LRP2: variants seen among roughly 807,000 people sequenced by gnomAD.
The protein encoded by LRP2 is low-density lipoprotein receptor-related protein 2.
A neutral mutation model predicts 531.0 loss-of-function variants in LRP2; 172 were observed. That is an observed-to-expected ratio of 0.32 (90% CI 0.29 to 0.37). The LOEUF (loss-of-function observed/expected upper bound fraction) is 0.37. Among genes scored for constraint, LRP2 ranks in the 10% least tolerant of loss-of-function variants. The pLI is 1.00. For synonymous variants in LRP2, 1,992 were observed against 2,027.6 expected, an observed-to-expected ratio of 0.98 and a Z score of 0.47; for missense variants, 5,167 against 5,868.3, an observed-to-expected ratio of 0.88 and a Z score of 3.90.
At chr2:169,347,671 G>A (rs140063511) in intron 1 of LRP2, among the ~76,000 whole-genome samples, 206 of 152,028 alleles carry the variant, frequency 1.4e-3, no homozygotes, top group African/African-American at 4.8e-3. Context: ...TACCTAAAAA[G>A]TACAGTCTTC....
chr2:169,233,467 T>C lies in LRP2; in HGVS notation c.5042A>G (p.Tyr1681Cys), dbSNP rs201965024. 2.5e-5 allele frequency: 40 copies of C among 1,614,194 alleles called. No individual in the cohort carries two copies. The highest frequency in any genetic ancestry group is 1.7e-5 in the Admixed American group (1 of 60,026). Reference sequence around the variant, plus strand: ...AATCCCAAGGGGCCATTGAATATTATACATTACAACTGACTGGTTCCCTCC... The same window carrying C: ...AATCCCAAGGGGCCATTGAATATTACACATTACAACTGACTGGTTCCCTCC... ...WHGGNQSVVMYNIQWPLGIVA... is the reference protein window; with the variant it reads ...WHGGNQSVVMCNIQWPLGIVA... Residue 1681 changes from tyrosine (Y) to cysteine (C), a missense_variant, in exon 30 of 79, where the codon TAT (tyrosine) becomes TGT (cysteine). Coordinates refer to ENST00000649046, the MANE Select transcript of LRP2 (RefSeq NM_004525.3).
chr2:169,225,403 A>G lies in LRP2; in HGVS notation c.5445T>C (p.Ala1815=). Residue 1815 remains alanine, a synonymous_variant, in exon 33 of 79, where the codon GCT becomes GCC. Coordinates refer to ENST00000649046, the MANE Select transcript of LRP2 (RefSeq NM_004525.3). ...TAGAAGGCCCCACCATAGATATAGAAGCAAATACTGTCCTGTTGGTGCCAT... is the reference window on the plus strand; with the variant it reads ...TAGAAGGCCCCACCATAGATATAGAGGCAAATACTGTCCTGTTGGTGCCAT... ...KTDGTNRTVF[A]SISMVGPSMN... The G allele has an allele frequency of 6.2e-7, 1 of 1,614,064 alleles. No homozygotes were observed. Among genetic ancestry groups the G allele is most frequent in the Non-Finnish European group, 8.5e-7 (1 of 1,179,946 alleles).
At chr2:169,299,147 GAA>G (rs869161844) in intron 4 of LRP2, among the ~76,000 whole-genome samples, 9,034 of 43,546 alleles carry the variant, frequency 0.21, 1,156 homozygotes, top group Admixed American at 0.31. Flanking sequence ...AAGAAAGAAA[GAA>G]AGAAAGAAAA....
chr2:169,157,864 A>T (rs1206169981), intron 63 of LRP2, among the ~76,000 whole-genome samples: 2 of 151,848 alleles, frequency 1.3e-5, no homozygotes, highest in East Asian at 3.9e-4. Flanking sequence ...AAATAGATAG[A>T]TCAATAGATA....
intron 44 of LRP2, among the ~76,000 whole-genome samples, chr2:169,200,606 A>G (rs1165258704): frequency 6.6e-6 from 1 of 152,180 alleles, no homozygotes; most frequent in East Asian, 1.9e-4. Context: ...AGTTCAATAT[A>G]ATACTAAACT....
intron 70 of LRP2, among the ~76,000 whole-genome samples, chr2:169,144,533 G>C (rs534868362): frequency 6.6e-6 from 1 of 152,190 alleles, no homozygotes; most frequent in Non-Finnish European, 1.5e-5. Flanking sequence ...AGGGGAGATA[G>C]CCTTTCCAGG....
In LRP2 at chr2:169,259,573, C is replaced by G. The variant is rs986774002; in HGVS notation, c.2321-356G>C. On this transcript the variant is annotated intron_variant, in intron 16 of 78. Coordinates refer to ENST00000649046, the MANE Select transcript of LRP2 (RefSeq NM_004525.3). ...ATACCTGAGTTCACCTACTACCACC[C>G]GGAGACGGCTCTGATAAGCTGACAC... Among the ~76,000 whole-genome samples the G allele has an allele frequency of 2.0e-5, 3 of 152,006 alleles. No individual in the cohort carries two copies. In the East Asian group the frequency reaches 5.9e-4, roughly 30 times the overall value.
At position 169,201,807 on chromosome 2, in the gene LRP2, T is replaced by C. The variant is rs558719437; in HGVS notation, c.8273A>G (p.Tyr2758Cys). 5.0e-6 allele frequency: 8 copies of C among 1,614,028 alleles called. No homozygotes were observed. Among genetic ancestry groups the C allele is most frequent in the Non-Finnish European group, 6.8e-6 (8 of 1,180,032 alleles). ...CANGRCVQYS[Y>C]RCDYYNDCGD... ...ACAGTCATTGTAGTAATCACAGCGG[T>C]AAGAGTATTGGACACATCGCCCATT... Residue 2758 changes from tyrosine to cysteine, a missense_variant, in exon 44 of 79, where the codon TAC becomes TGC. By Grantham distance (194) the Tyr-to-Cys change is radical. Around this residue, in one of 6 missense-constraint regions of LRP2, gnomAD observed 1,129 missense variants for 1,362.7 expected, o/e 0.83. Transcript: ENST00000649046.
In LRP2 at chr2:169,290,477, C is replaced by T. The variant is rs530256348; in HGVS notation, c.922+368G>A. Among the ~76,000 whole-genome samples the T allele has an allele frequency of 1.7e-3, 258 of 152,160 alleles. 1 individual carries two copies. Among genetic ancestry groups the T allele is most frequent in the Non-Finnish European group, 2.6e-3 (175 of 68,002 alleles). On this transcript the variant is annotated intron_variant, in intron 8 of 78. Coordinates refer to ENST00000649046, the MANE Select transcript of LRP2 (RefSeq NM_004525.3). The stretch of plus-strand genomic sequence containing the variant: ...CATCAATAGATGGAGTCTATTTCTT[C>T]CATCCACTCTGGGTTTGGCCAAGTG...
intron 1 of LRP2, among the ~76,000 whole-genome samples, chr2:169,323,706 C>A (rs1684965037): frequency 6.6e-6 from 1 of 151,366 alleles, no homozygotes; most frequent in Admixed American, 6.6e-5. Flanking sequence ...CTACATAGAA[C>A]CAGCTTTAAA....
intron 46 of LRP2, among the ~76,000 whole-genome samples, chr2:169,194,856 C>T (rs969219588): frequency 1.3e-5 from 2 of 151,440 alleles, no homozygotes; most frequent in Non-Finnish European, 2.9e-5. Context: ...GGATTACAGG[C>T]GTGTGCCACC....
At chr2:169,302,979 A>G (rs1036539337) in intron 4 of LRP2, among the ~76,000 whole-genome samples, 3 of 152,154 alleles carry the variant, frequency 2.0e-5, no homozygotes, top group African/African-American at 4.8e-5. Flanking sequence ...TGATAATGAT[A>G]TTATGATTAT....
chr2:169,211,375 G>A (rs1017083883), intron 37 of LRP2, among the ~76,000 whole-genome samples: 6 of 152,054 alleles, frequency 3.9e-5, no homozygotes, highest in African/African-American at 9.7e-5. Flanking sequence ...GCAAGTGATC[G>A]TTTCATACAT....
chr2:169,302,969 T>G (rs946773620), intron 4 of LRP2, among the ~76,000 whole-genome samples: 2 of 152,144 alleles, frequency 1.3e-5, no homozygotes, highest in African/African-American at 4.8e-5. Context: ...TTTTTAGGTG[T>G]GATAATGATA....
intron 63 of LRP2, 85 bp from the exon 64 acceptor site, chr2:169,157,587 A>C (rs961176539): frequency 6.7e-7 from 1 of 1,485,106 alleles, no homozygotes; most frequent in African/African-American, 1.4e-5. Context: ...CCTACTCGTA[A>C]CCAACTATAG....
At chr2:169,295,335 CATGTCTGGTAA>C (rs1324815621) in intron 4 of LRP2, among the ~76,000 whole-genome samples, 1 of 152,160 alleles carries the variant, frequency 6.6e-6, no homozygotes. Context: ...CTGAAAAGAC[CATGTCTGGTAA>C]AGCATGTTGA....
rs565759089 is a variant in LRP2, at chr2:169,262,650, C to T, written c.2321-3433G>A. On this transcript the variant is annotated intron_variant, in intron 16 of 78. Transcript: ENST00000649046. ...GCTCATGGGTAGGAAGAATCAATAT[C>T]GTGAAAATGGCCATACTGCCCAAGG... 1.7e-4 allele frequency among the ~76,000 whole-genome samples: 26 copies of T among 149,360 alleles called. No homozygotes were observed. In the East Asian group the frequency reaches 2.8e-3, roughly 16 times the overall value.
Position 169,170,571 on chromosome 2 carries a change from T to A in LRP2, c.11360A>T (p.Asn3787Ile). ...ICDHYNDCGD[N>I]SDERDCEMRT... Reference sequence around the variant, plus strand: ...GTTACCACAGTCCCGTTCATCTGAGTTGTCCCCACAGTCGTTGTAATGGTC... The same window carrying A: ...GTTACCACAGTCCCGTTCATCTGAGATGTCCCCACAGTCGTTGTAATGGTC... Residue 3787 changes from asparagine to isoleucine, a missense_variant, in exon 59 of 79, where the codon AAC becomes ATC. Transcript: ENST00000649046. 6.2e-7 allele frequency: 1 copy of A among 1,614,026 alleles called. No individual in the cohort carries two copies. The highest frequency in any genetic ancestry group is 8.5e-7 in the Non-Finnish European group (1 of 1,179,872).
At chr2:169,323,270 C>T (rs1303263514) in intron 1 of LRP2, among the ~76,000 whole-genome samples, 1 of 152,142 alleles carries the variant, frequency 6.6e-6, no homozygotes, top group Non-Finnish European at 1.5e-5. Flanking sequence ...TCAGTAGTAA[C>T]TTCGATGCCT....
Sources: gnomAD v4.1 joint callset for allele counts (sites outside exome capture counted in the v4.1 genomes callset) on GRCh38, gnomAD v4.1.1 for gene constraint, gnomAD v4.1.1 regional missense constraint, MANE v1.5 for transcripts, NCBI Gene and HGNC (gene_info 2026-07-23, HGNC 2026-07-21) for gene names.